RELN: variants seen among roughly 807,000 people sequenced by gnomAD.
The protein encoded by RELN is reelin.
In RELN, 108 loss-of-function variants were observed where a neutral mutation model predicts 427.6. That is an observed-to-expected ratio of 0.25 (90% CI 0.22 to 0.30). The LOEUF (loss-of-function observed/expected upper bound fraction) is 0.30. Among genes scored for constraint, RELN ranks in the 10% least tolerant of loss-of-function variants. The probability of loss-of-function intolerance (pLI) is 1.00; values close to 1 mark genes in which losing one functional copy is unlikely to be tolerated. For synonymous variants in RELN, 1,524 were observed against 1,513.4 expected, an observed-to-expected ratio of 1.01 and a Z score of -0.16; for missense variants, 3,715 against 4,302.8, an observed-to-expected ratio of 0.86 and a Z score of 3.82.
At chr7:103,937,921 T>C (rs73715922) in intron 1 of RELN, among the ~76,000 whole-genome samples, 10,269 of 152,248 alleles carry the variant, frequency 0.067, 598 homozygotes, top group East Asian at 0.22. Flanking sequence ...TATCTGACAA[T>C]GAGACACAGA....
chr7:103,662,689 G>C (rs2382879), intron 11 of RELN, among the ~76,000 whole-genome samples: 3,943 of 151,534 alleles, frequency 0.026, 192 homozygotes, highest in African/African-American at 0.091. Context: ...AATAGACCTT[G>C]GTGGAGGATG....
chr7:103,482,792 C>T (rs1828288537), intron 63 of RELN, 81 bp downstream of exon 63: 1 of 1,607,806 alleles, frequency 6.2e-7, no homozygotes, highest in South Asian at 1.1e-5. Context: ...ACGGATCTTA[C>T]TGAATTAAGG....
intron 6 of RELN, among the ~76,000 whole-genome samples, chr7:103,728,776 C>T (rs112605918): frequency 6.6e-6 from 1 of 152,208 alleles, no homozygotes; most frequent in South Asian, 2.1e-4. Context: ...TGTCCTCAAA[C>T]AAATCTGCAT....
intron 2 of RELN, among the ~76,000 whole-genome samples, chr7:103,862,779 G>C (rs184900422): frequency 3.0e-4 from 46 of 152,244 alleles, no homozygotes; most frequent in Middle Eastern, 6.8e-3. Flanking sequence ...TTGGCAGCCA[G>C]GACACTGTCT....
intron 51 of RELN, among the ~76,000 whole-genome samples, chr7:103,505,857 G>A (rs564901611): frequency 1.3e-5 from 2 of 152,264 alleles, no homozygotes; most frequent in South Asian, 4.1e-4. Context: ...AGGTTAGAGG[G>A]ACTGCTAACT....
intron 40 of RELN, 146 bp from the exon 41 acceptor site, chr7:103,551,442 CTGAG>C (rs1355888697): frequency 8.5e-6 from 6 of 709,986 alleles, no homozygotes; most frequent in South Asian, 3.1e-5. Flanking sequence ...TTTTGCCTTA[CTGAG>C]TAATATTGTA....
chr7:103,903,621 A>G (rs1410089876), intron 2 of RELN, among the ~76,000 whole-genome samples: 1 of 152,118 alleles, frequency 6.6e-6, no homozygotes, highest in African/African-American at 2.4e-5. Flanking sequence ...TCTGTCAGAG[A>G]ATCTGCTCGA....
intron 3 of RELN, among the ~76,000 whole-genome samples, chr7:103,788,326 A>T (rs1209685816): frequency 6.6e-6 from 1 of 152,198 alleles, no homozygotes; most frequent in Non-Finnish European, 1.5e-5. Context: ...ACAGTAATGG[A>T]AGTTCTGGCC....
intron 46 of RELN, among the ~76,000 whole-genome samples, chr7:103,526,198 G>A (rs1337643109): frequency 1.3e-5 from 2 of 152,252 alleles, no homozygotes; most frequent in African/African-American, 4.8e-5. Context: ...CAACCACTTA[G>A]AGAAACTGTA....
intron 22 of RELN, 55 bp from the exon 23 acceptor site, chr7:103,604,538 T>A (rs1831768513): frequency 6.3e-7 from 1 of 1,587,684 alleles, no homozygotes; most frequent in African/African-American, 1.3e-5. Flanking sequence ...GCAGTGACAT[T>A]GGCAAAGAAT....
intron 16 of RELN, among the ~76,000 whole-genome samples, chr7:103,645,852 A>G (rs1183139832): frequency 6.6e-6 from 1 of 151,916 alleles, no homozygotes; most frequent in Non-Finnish European, 1.5e-5. Flanking sequence ...GAGTGCATGA[A>G]AGATTCTCCA....
chr7:103,509,005 G>GCAAA (rs149372850), intron 51 of RELN, among the ~76,000 whole-genome samples: 13 of 152,028 alleles, frequency 8.6e-5, no homozygotes, highest in African/African-American at 3.1e-4. Context: ...AAGAGAGGAT[G>GCAAA]CAAACAAACA....
intron 1 of RELN, among the ~76,000 whole-genome samples, chr7:103,935,728 A>C (rs1037554764): frequency 1.3e-5 from 2 of 152,214 alleles, no homozygotes; most frequent in Admixed American, 6.5e-5. Context: ...ACCTGAATAC[A>C]TAATTATGTA....
At chr7:103,527,109 T>C (rs1829838580) in intron 46 of RELN, among the ~76,000 whole-genome samples, 1 of 152,202 alleles carries the variant, frequency 6.6e-6, no homozygotes, top group African/African-American at 2.4e-5. Context: ...CAGGTATCTC[T>C]CCCTACACTA....
chr7:103,648,879 C>A (rs1410857536), intron 16 of RELN, among the ~76,000 whole-genome samples: 1 of 151,944 alleles, frequency 6.6e-6, no homozygotes, highest in Non-Finnish European at 1.5e-5. Context: ...ATTAAAACCA[C>A]AATGAGATAC....
intron 2 of RELN, among the ~76,000 whole-genome samples, chr7:103,847,058 C>T (rs1000318660): frequency 6.6e-6 from 1 of 152,184 alleles, no homozygotes. Flanking sequence ...ACTCAGCAAT[C>T]CCATCACTGG....
chr7:103,828,580 G>T (rs1793198841), intron 3 of RELN, among the ~76,000 whole-genome samples: 1 of 130,006 alleles, frequency 7.7e-6, no homozygotes, highest in Admixed American at 7.6e-5. Flanking sequence ...TATTATGCTA[G>T]TATCTCTGTC....
intron 4 of RELN, among the ~76,000 whole-genome samples, chr7:103,759,150 G>A (rs910476540): frequency 2.6e-5 from 4 of 152,020 alleles, no homozygotes; most frequent in African/African-American, 9.7e-5. Flanking sequence ...AAATTCAACT[G>A]TACTATTCTT....
chr7:103,948,556 C>T (rs188126619), intron 1 of RELN, among the ~76,000 whole-genome samples: 2 of 152,152 alleles, frequency 1.3e-5, no homozygotes, highest in Non-Finnish European at 2.9e-5. Context: ...GCCTGCAGTC[C>T]CAGCTACTCG....
Sources: gnomAD v4.1 joint callset for allele counts (sites outside exome capture counted in the v4.1 genomes callset) on GRCh38, gnomAD v4.1.1 for gene constraint, MANE v1.5 for transcripts, NCBI Gene and HGNC (gene_info 2026-07-23, HGNC 2026-07-21) for gene names.